The following KCNG1 variants were observed in gnomAD, a reference collection of about 807,000 sequenced individuals.
KCNG1 encodes the protein potassium voltage-gated channel modifier subfamily G member 1.
KCNG1 carries 17 observed loss-of-function variants against 32.4 expected under a neutral mutation model. The ratio of observed to expected loss-of-function variants is 0.52; its 90% CI spans 0.36 to 0.79. The LOEUF (loss-of-function observed/expected upper bound fraction) is 0.79, where lower values mean the gene tolerates loss of function less well. Among genes scored for constraint, KCNG1 ranks in the 30% least tolerant of loss-of-function variants. The probability of loss-of-function intolerance (pLI) is 0.00; values close to 1 mark genes in which losing one functional copy is unlikely to be tolerated. For missense variants in KCNG1, 441 were observed against 735.2 expected (o/e 0.60, Z 4.63); for synonymous variants, 358 against 339.9 (o/e 1.05, Z -0.59).
chr20:51,005,200 G>A lies in KCNG1; in HGVS notation c.775-394C>T, dbSNP rs565693507. The A allele has an allele frequency of 1.7e-4, 30 of 171,700 alleles. No individual in the cohort carries two copies. The highest frequency in any genetic ancestry group is 2.6e-3 in the Middle Eastern group (1 of 382). The allele number at this position is 171,700 out of a possible 1,614,324, so 10.6% of individuals were successfully genotyped here. On this transcript the variant is annotated intron_variant, in intron 2 of 2. Transcript: ENST00000371571. The surrounding 1 kb of genome is among the most constrained non-coding windows in gnomAD (Gnocchi z 4.0). ...AATGGCTTAGGACAGGAGACCTGGC[G>A]TCATCCTTACCACCTTGCGTATAAC... is the stretch of plus-strand genomic sequence containing the variant.
chr20:51,007,909 T>C (rs990078996), intron 2 of KCNG1: 2 of 151,644 alleles, frequency 1.3e-5, no homozygotes, highest in Non-Finnish European at 2.9e-5. Flanking sequence ...GGATTATTAA[T>C]GCAACAGCTA....
rs140145387 is a variant in KCNG1 at position 51,012,341 on chromosome 20, C to T, written c.-26-1977G>A. The T allele has an allele frequency of 1.0e-2, 1,522 of 152,356 alleles. 18 individuals are homozygous for T. Among genetic ancestry groups the T allele is most frequent in the Non-Finnish European group, 0.014 (947 of 68,042 alleles). The allele number at this position is 152,356 out of a possible 1,614,324, so 9.4% of individuals were successfully genotyped here. ...CCCCTCCCCTTACAACTGGTGCACC[C>T]GTCTTCACGGCACTTACCACCAGTT... On this transcript the variant is annotated intron_variant, in intron 1 of 2. Transcript: ENST00000371571.
Position 51,009,766 on chromosome 20 carries a change from G to A in KCNG1, c.573C>T (p.Ser191=). The part of the protein sequence containing the change: ...EREEEDDALD[S]EGRDSEGPAE... ...CCGGGCCCTCGCTGTCGCGGCCCTC[G>A]CTGTCCAGCGCGTCGTCCTCTTCCT... is the stretch of plus-strand genomic sequence containing the variant. The change falls in exon 2 of 3, where the codon AGC becomes AGT. Residue 191 remains serine (S), a synonymous_variant. Transcript: ENST00000371571. The A allele has an allele frequency of 1.2e-6, 2 of 1,610,312 alleles. No homozygotes were observed.
In KCNG1 at chr20:51,003,955, G is replaced by T; in HGVS notation, c.*84C>A. 1 of 1,475,110 alleles carries T rather than the reference G, an allele frequency of 6.8e-7. No homozygotes were observed. 91.4% of individuals were successfully genotyped at this position (1,475,110 alleles called of 1,614,324 possible). A position where few individuals can be genotyped will look rare whatever the true frequency, so the allele number is the denominator to read the frequency against. ...CTGCGCCAGGACTGCACTCGGAAGCGGCCTGTCCCTCTCCAGGCGTCTGCA... is the reference window on the plus strand; with the variant it reads ...CTGCGCCAGGACTGCACTCGGAAGCTGCCTGTCCCTCTCCAGGCGTCTGCA... On this transcript the variant is annotated 3_prime_UTR_variant, in exon 3 of 3. Transcript: ENST00000371571.
At chr20:51,018,756 A>T (rs1020546608) in intron 1 of KCNG1, among the ~76,000 whole-genome samples, 5 of 152,192 alleles carry the variant, frequency 3.3e-5, no homozygotes, top group Non-Finnish European at 7.4e-5. Flanking sequence ...TGAGAAGTGA[A>T]AACTTATGTC....
chr20:51,007,516 T>C (rs1005260797), intron 2 of KCNG1, among the ~76,000 whole-genome samples: 2 of 151,284 alleles, frequency 1.3e-5, no homozygotes, highest in African/African-American at 4.9e-5. Context: ...TAAAAAAGTT[T>C]AAAAAGTTAA....
rs1229130120 is a variant in KCNG1 at position 51,004,984 on chromosome 20, T to C, written c.775-178A>G. ...CCGAGGCCTGGGGCACTAAGCACCA[T>C]CTCTACACTGGCCGCTCCTCATCTC... On this transcript the variant is annotated intron_variant, in intron 2 of 2. Transcript: ENST00000371571. The surrounding 1 kb of genome is among the most constrained non-coding windows in gnomAD (Gnocchi z 4.3). The C allele has an allele frequency of 5.5e-6, 3 of 549,764 alleles. No individual in the cohort carries two copies. In the East Asian group the frequency reaches 9.3e-5, roughly 17 times the overall value. 34.1% of individuals were successfully genotyped at this position (549,764 alleles called of 1,614,324 possible). A position where few individuals can be genotyped will look rare whatever the true frequency, so the allele number is the denominator to read the frequency against.
In KCNG1 at chr20:51,005,019, C is replaced by CCCCCACCTCAGCCCTGAACTCCAGA; in HGVS notation, c.775-238_775-214dup. 2.1e-6 allele frequency: 1 copy of CCCCCACCTCAGCCCTGAACTCCAGA among 475,488 alleles called. No homozygotes were observed. Among genetic ancestry groups the CCCCCACCTCAGCCCTGAACTCCAGA allele is most frequent in the Non-Finnish European group, 3.6e-6 (1 of 274,056 alleles). The allele number at this position is 475,488 out of a possible 1,614,324, so 29.5% of individuals were successfully genotyped here. On this transcript the variant is annotated intron_variant, in intron 2 of 2. Transcript: ENST00000371571. The surrounding 1 kb of genome is among the most constrained non-coding windows in gnomAD (Gnocchi z 4.0). ...GGCCGCTCCTCATCTCTCTCTCCAG[C>CCCCCACCTCAGCCCTGAACTCCAGA]CCCCACCTCAGCCCTGAACTCCAGA...
chr20:51,003,952 AG>A lies in KCNG1; in HGVS notation c.*86del. 6.8e-7 allele frequency: 1 copy of A among 1,466,314 alleles called. No homozygotes were observed. Among genetic ancestry groups the A allele is most frequent in the Admixed American group, 1.8e-5 (1 of 54,590 alleles). 90.8% of individuals were successfully genotyped at this position (1,466,314 alleles called of 1,614,324 possible). On this transcript the variant is annotated 3_prime_UTR_variant, in exon 3 of 3. Coordinates refer to ENST00000371571, the MANE Select transcript of KCNG1 (RefSeq NM_002237.4). ...GTGCTGCGCCAGGACTGCACTCGGA[AG>A]CGGCCTGTCCCTCTCCAGGCGTCTG...
At position 51,004,842 on chromosome 20, in the gene KCNG1, C is replaced by T. The variant is rs1987764977; in HGVS notation, c.775-36G>A. ...GGGGAAGGGACGCCGGAGGGGTCAGCGGGCCCTCCAGGAAAGGAGGGCAGA... is the reference window on the plus strand; with the variant it reads ...GGGGAAGGGACGCCGGAGGGGTCAGTGGGCCCTCCAGGAAAGGAGGGCAGA... On this transcript the variant is annotated intron_variant, in intron 2 of 2. Transcript: ENST00000371571. This position sits in a 1 kb window ranked among gnomAD's most constrained non-coding sequence, Gnocchi z 4.3. 2 of 1,491,232 alleles carry T rather than the reference C, an allele frequency of 1.3e-6. No homozygotes were observed. The highest frequency in any genetic ancestry group is 2.3e-5 in the Admixed American group (1 of 44,218). 92.4% of individuals were successfully genotyped at this position (1,491,232 alleles called of 1,614,324 possible).
Position 51,009,721 on chromosome 20 carries a change from C to A in KCNG1, c.618G>T (p.Leu206=), listed in dbSNP as rs1394796157. Residue 206 remains leucine (L), a synonymous_variant, in exon 2 of 3, where the codon CTG becomes CTT. Transcript: ENST00000371571. ...CGCGCAGTCGCCGCATGCAGCGCCC[C>A]AGGCGGCCCTCGCCCTCGGCCGGGC... ...SEGPAEGEGR[L]GRCMRRLRDM... The A allele has an allele frequency of 1.2e-6, 2 of 1,605,162 alleles. No homozygotes were observed. Among genetic ancestry groups the A allele is most frequent in the Non-Finnish European group, 1.7e-6 (2 of 1,178,300 alleles).
chr20:51,012,756 A>G (rs1157278986), intron 1 of KCNG1, among the ~76,000 whole-genome samples: 1 of 152,156 alleles, frequency 6.6e-6, no homozygotes, highest in East Asian at 1.9e-4. Flanking sequence ...AAAAATCAGG[A>G]TATCTGGCAA....
intron 2 of KCNG1, among the ~76,000 whole-genome samples, chr20:51,009,057 A>G (rs1440591468): frequency 6.6e-6 from 1 of 152,232 alleles, no homozygotes; most frequent in Non-Finnish European, 1.5e-5. Flanking sequence ...TGTAACAAAA[A>G]GAAATGCTCA....
At chr20:51,009,240 C>A (rs532528610) in intron 2 of KCNG1, among the ~76,000 whole-genome samples, 64 of 152,294 alleles carry the variant, frequency 4.2e-4, no homozygotes, top group African/African-American at 1.5e-3. Context: ...CGTCAAAAAT[C>A]ACACCACCCA....
At position 51,021,316 on chromosome 20, in the gene KCNG1, C is replaced by T. The variant is rs560215594; in HGVS notation, c.-27+1554G>A. ...CTTCCCTCCTTCCCCTCCTATCAGG[C>T]GACTCTGCAGGGCTCCAAAAGCCGG... On this transcript the variant is annotated intron_variant, in intron 1 of 2. Coordinates refer to ENST00000371571, the MANE Select transcript of KCNG1 (RefSeq NM_002237.4). Among the ~76,000 whole-genome samples the T allele has an allele frequency of 1.2e-4, 18 of 152,296 alleles. No individual in the cohort carries two copies. The East Asian group carries it at 1.5e-3, about 13-fold the overall frequency.
chr20:51,006,297 A>G (rs1987826219), intron 2 of KCNG1: 1 of 152,254 alleles, frequency 6.6e-6, no homozygotes. Context: ...TCTTTTCAAA[A>G]AGCAAGTATC....
intron 1 of KCNG1, among the ~76,000 whole-genome samples, chr20:51,022,244 C>T (rs1481134527): frequency 6.6e-6 from 1 of 152,292 alleles, no homozygotes; most frequent in South Asian, 2.1e-4. Flanking sequence ...TGAACTTCAC[C>T]CTTTTCCTTC....
At chr20:51,021,851 C>T (rs1468910945) in intron 1 of KCNG1, among the ~76,000 whole-genome samples, 1 of 152,106 alleles carries the variant, frequency 6.6e-6, no homozygotes, top group African/African-American at 2.4e-5. Flanking sequence ...TTTCTCAACT[C>T]CTCCCCACCC....
intron 1 of KCNG1, among the ~76,000 whole-genome samples, chr20:51,013,551 T>TCCCTCC (rs1480331938): frequency 6.6e-6 from 1 of 152,032 alleles, no homozygotes; most frequent in African/African-American, 2.4e-5. Flanking sequence ...TGTTTCACAC[T>TCCCTCC]TAAAAGGGGC....
Sources: allele counts gnomAD v4.1 joint callset (sites outside exome capture counted in the v4.1 genomes callset), GRCh38; gene constraint gnomAD v4.1.1; non-coding constraint Gnocchi (gnomAD v3.1); transcripts MANE v1.5; gene names NCBI Gene and HGNC (gene_info 2026-07-23, HGNC 2026-07-21).